Variants in PTPRM observed in about 807,000 individuals in gnomAD.
PTPRM encodes the protein receptor-type tyrosine-protein phosphatase mu.
In PTPRM, 47 loss-of-function variants were observed where a neutral mutation model predicts 186.7. That is an observed-to-expected ratio of 0.25 (90% CI 0.20 to 0.32). The LOEUF is 0.32. Among genes scored for constraint, PTPRM ranks in the 10% least tolerant of loss-of-function variants. The probability of loss-of-function intolerance (pLI) is 1.00; values close to 1 mark genes in which losing one functional copy is unlikely to be tolerated. For synonymous variants in PTPRM, 668 were observed against 674.9 expected, an observed-to-expected ratio of 0.99 and a Z score of 0.16; for missense variants, 1,494 against 1,865.0, an observed-to-expected ratio of 0.80 and a Z score of 3.66.
At chr18:7,890,097 G>A (rs143892397) in intron 3 of PTPRM, among the ~76,000 whole-genome samples, 8 of 152,178 alleles carry the variant, frequency 5.3e-5, no homozygotes, top group Non-Finnish European at 1.0e-4. Context: ...TTTCTTTTTT[G>A]TCCACAGCAT....
chr18:7,790,541 T>C (rs993915789), intron 2 of PTPRM, among the ~76,000 whole-genome samples: 7 of 152,218 alleles, frequency 4.6e-5, no homozygotes, highest in African/African-American at 1.7e-4. Flanking sequence ...AACAGTCTTA[T>C]TTTGAAAGGG....
At chr18:7,617,991 T>C (rs1198406442) in intron 1 of PTPRM, among the ~76,000 whole-genome samples, 1 of 152,220 alleles carries the variant, frequency 6.6e-6, no homozygotes, top group East Asian at 1.9e-4. Context: ...GACTGGGCTC[T>C]TGAGAAGCGA....
chr18:7,673,884 C>T (rs1598346257), intron 1 of PTPRM, among the ~76,000 whole-genome samples: 1 of 152,236 alleles, frequency 6.6e-6, no homozygotes, highest in East Asian at 1.9e-4. Flanking sequence ...CTTTGGTAGC[C>T]TGGTGAAAGC....
chr18:7,629,565 GA>G (rs373499307), intron 1 of PTPRM, among the ~76,000 whole-genome samples: 14 of 152,284 alleles, frequency 9.2e-5, no homozygotes, highest in African/African-American at 3.4e-4. Flanking sequence ...GAGCATGTAT[GA>G]AATGTTTTAG....
intron 2 of PTPRM, among the ~76,000 whole-genome samples, chr18:7,865,712 G>A (rs555760819): frequency 9.9e-5 from 15 of 152,230 alleles, no homozygotes; most frequent in Admixed American, 1.3e-4. Flanking sequence ...AATGAGTTAC[G>A]GAGGATTCCT....
At chr18:7,598,574 G>T (rs2143713554) in intron 1 of PTPRM, among the ~76,000 whole-genome samples, 1 of 152,248 alleles carries the variant, frequency 6.6e-6, no homozygotes, top group South Asian at 2.1e-4. Context: ...GCAAGTCTGG[G>T]TATCCTTTTA....
intron 2 of PTPRM, among the ~76,000 whole-genome samples, chr18:7,851,557 A>G (rs575042824): frequency 2.1e-4 from 32 of 152,314 alleles, no homozygotes; most frequent in African/African-American, 7.2e-4. Context: ...TGCAAGGTAC[A>G]GAAAGGAAAT....
At chr18:7,840,230 G>C (rs2046257873) in intron 2 of PTPRM, among the ~76,000 whole-genome samples, 1 of 152,212 alleles carries the variant, frequency 6.6e-6, no homozygotes, top group African/African-American at 2.4e-5. Flanking sequence ...TCGTAAGAAG[G>C]TGCTTTTTTA....
chr18:7,572,284 G>A (rs2036583286), intron 1 of PTPRM, among the ~76,000 whole-genome samples: 1 of 152,092 alleles, frequency 6.6e-6, no homozygotes, highest in South Asian at 2.1e-4. Context: ...AATTCAAAAT[G>A]AATTTTCTTT....
At chr18:7,654,313 A>T (rs2038796757) in intron 1 of PTPRM, among the ~76,000 whole-genome samples, 1 of 152,140 alleles carries the variant, frequency 6.6e-6, no homozygotes, top group African/African-American at 2.4e-5. Flanking sequence ...GAAGATCTTC[A>T]GTTTAACCCA....
chr18:7,934,640 C>T (rs964899754), intron 5 of PTPRM, among the ~76,000 whole-genome samples: 3 of 152,220 alleles, frequency 2.0e-5, no homozygotes, highest in Non-Finnish European at 1.5e-5. Flanking sequence ...ATTTACTGAA[C>T]ACTGCTATGT....
At chr18:7,710,051 C>A (rs1419678424) in intron 1 of PTPRM, among the ~76,000 whole-genome samples, 1 of 152,154 alleles carries the variant, frequency 6.6e-6, no homozygotes, top group Non-Finnish European at 1.5e-5. Context: ...TTCTATGAAA[C>A]CAGTATCACC....
intron 7 of PTPRM, among the ~76,000 whole-genome samples, chr18:7,988,567 C>T (rs151254932): frequency 6.6e-6 from 1 of 152,138 alleles, no homozygotes; most frequent in Non-Finnish European, 1.5e-5. Flanking sequence ...AACCTCCACT[C>T]CTCCCCTCCA....
Position 8,126,012 on chromosome 18 carries a change from TA to T in PTPRM, c.2167+11186del, listed in dbSNP as rs1568383567. Among the ~76,000 whole-genome samples, 78 of 25,100 alleles carry T rather than the reference TA, an allele frequency of 3.1e-3. 3 individuals carry two copies. The highest frequency in any genetic ancestry group is 7.9e-3 in the African/African-American group (70 of 8,814). 16.5% of individuals were successfully genotyped at this position (25,100 alleles called of 152,430 possible). ...ATATATATATATATATATATATATA[TA>T]TATATATATATATATTTTAAATCAG... On this transcript the variant is annotated intron_variant, in intron 13 of 32. Transcript: ENST00000580170.
intron 1 of PTPRM, among the ~76,000 whole-genome samples, chr18:7,672,120 A>T (rs897097984): frequency 6.6e-6 from 1 of 152,202 alleles, no homozygotes; most frequent in African/African-American, 2.4e-5. Context: ...CAAACATTGG[A>T]ATCCATAGTC....
chr18:8,122,547 G>A (rs1205913234), intron 13 of PTPRM, among the ~76,000 whole-genome samples: 2 of 152,158 alleles, frequency 1.3e-5, no homozygotes, highest in Non-Finnish European at 2.9e-5. Context: ...TTGTGTGTTT[G>A]GTCTGTTGGT....
chr18:7,916,742 G>A (rs2050583333), intron 4 of PTPRM, among the ~76,000 whole-genome samples: 1 of 152,128 alleles, frequency 6.6e-6, no homozygotes, highest in Non-Finnish European at 1.5e-5. Flanking sequence ...ATCAAGTCAG[G>A]ATTAATTAGC....
intron 31 of PTPRM, among the ~76,000 whole-genome samples, chr18:8,389,493 G>A (rs898314547): frequency 1.3e-5 from 2 of 152,110 alleles, no homozygotes; most frequent in East Asian, 1.9e-4. Context: ...GGAGGCATCC[G>A]TTGTTTCTTC....
intron 1 of PTPRM, among the ~76,000 whole-genome samples, chr18:7,721,602 C>T (rs1172442891): frequency 6.6e-6 from 1 of 152,084 alleles, no homozygotes; most frequent in African/African-American, 2.4e-5. Flanking sequence ...GTCTTTGATA[C>T]ATTTTGAGTT....
Sources: allele counts gnomAD v4.1 joint callset (sites outside exome capture counted in the v4.1 genomes callset), GRCh38; gene constraint gnomAD v4.1.1; transcripts MANE v1.5; gene names NCBI Gene and HGNC (gene_info 2026-07-23, HGNC 2026-07-21).